SH2D4B: variants seen among roughly 807,000 people sequenced by gnomAD.
The protein encoded by SH2D4B is SH2 domain containing 4B.
SH2D4B carries 45 observed loss-of-function variants against 61.5 expected under a neutral mutation model. That is an observed-to-expected ratio of 0.73 (90% CI 0.58 to 0.94). SH2D4B has a LOEUF of 0.94. SH2D4B is among the 40% of genes least tolerant of loss of function. The pLI is 0.00. For synonymous variants in SH2D4B, 224 were observed against 220.4 expected (o/e 1.02, Z -0.14); for missense variants, 572 against 574.2 (o/e 1.00, Z 0.04).
In SH2D4B at chr10:80,635,953, C is replaced by T. The variant is rs556706392; in HGVS notation, c.1209+1448C>T. Among the ~76,000 whole-genome samples, 26 of 152,286 alleles carry T rather than the reference C, an allele frequency of 1.7e-4. No individual in the cohort carries two copies. The South Asian group carries it at 5.4e-3, about 32-fold the overall frequency. ...CCTAATGCTATCACTCCCCCTTCCC[C>T]CAACCGCACAACAGGCCCCAGTGTC... On this transcript the variant is annotated intron_variant, in intron 7 of 7. Transcript: ENST00000646907.
intron 4 of SH2D4B, among the ~76,000 whole-genome samples, chr10:80,593,673 T>C (rs928693006): frequency 1.3e-5 from 2 of 152,208 alleles, no homozygotes; most frequent in African/African-American, 4.8e-5. Context: ...TCCTTTCCAG[T>C]TTGGATTCCT....
intron 3 of SH2D4B, among the ~76,000 whole-genome samples, chr10:80,581,702 T>C (rs1184234847): frequency 1.3e-5 from 2 of 152,206 alleles, no homozygotes; most frequent in Non-Finnish European, 2.9e-5. Flanking sequence ...AGTTCTGTCA[T>C]TTAAGCCTCC....
At chr10:80,554,983 T>C (rs2132108836) in intron 1 of SH2D4B, among the ~76,000 whole-genome samples, 1 of 114,898 alleles carries the variant, frequency 8.7e-6, no homozygotes, top group South Asian at 2.8e-4. Flanking sequence ...CACTCCAGCC[T>C]GGGCGACAAG....
intron 3 of SH2D4B, among the ~76,000 whole-genome samples, chr10:80,578,775 G>A (rs17107060): frequency 0.056 from 8,586 of 152,212 alleles, 626 homozygotes; most frequent in East Asian, 0.32. Context: ...TGAGTTTTCA[G>A]GCAAGGAGAC....
intron 6 of SH2D4B, among the ~76,000 whole-genome samples, chr10:80,628,472 G>T (rs12246025): frequency 1.3e-5 from 2 of 152,042 alleles, no homozygotes; most frequent in African/African-American, 4.8e-5. Context: ...CTGTAAGTTC[G>T]ATAAACTTTT....
chr10:80,576,275 C>A (rs1842124152), intron 3 of SH2D4B, among the ~76,000 whole-genome samples: 1 of 152,198 alleles, frequency 6.6e-6, no homozygotes, highest in Admixed American at 6.5e-5. Flanking sequence ...CTGAGGGTCT[C>A]AACCACAGGC....
At chr10:80,546,609 T>G (rs1841684544) in intron 1 of SH2D4B, among the ~76,000 whole-genome samples, 1 of 150,470 alleles carries the variant, frequency 6.6e-6, no homozygotes, top group Non-Finnish European at 1.5e-5. Context: ...CACTGCAAGC[T>G]CCACCTCCTG....
intron 6 of SH2D4B, among the ~76,000 whole-genome samples, chr10:80,614,085 T>C (rs979811265): frequency 5.9e-5 from 9 of 152,140 alleles, no homozygotes; most frequent in Non-Finnish European, 1.2e-4. Context: ...GAGTTCTGTC[T>C]TGAGAAAGGG....
intron 1 of SH2D4B, among the ~76,000 whole-genome samples, chr10:80,544,826 C>A (rs141382260): frequency 2.6e-5 from 4 of 152,360 alleles, no homozygotes; most frequent in African/African-American, 9.6e-5. Flanking sequence ...TTTCATGGCA[C>A]TCATGAAAGG....
intron 3 of SH2D4B, among the ~76,000 whole-genome samples, chr10:80,580,153 G>T (rs1395533740): frequency 6.6e-6 from 1 of 152,168 alleles, no homozygotes; most frequent in East Asian, 1.9e-4. Context: ...AAATGATGAG[G>T]TTCATAAATT....
chr10:80,602,439 G>A (rs989065108), intron 4 of SH2D4B, among the ~76,000 whole-genome samples: 5 of 152,158 alleles, frequency 3.3e-5, no homozygotes, highest in Non-Finnish European at 7.3e-5. Context: ...CTCCAGCCTG[G>A]GTGACAGAGT....
At chr10:80,574,888 A>T (rs1842106881) in intron 3 of SH2D4B, among the ~76,000 whole-genome samples, 1 of 151,800 alleles carries the variant, frequency 6.6e-6, no homozygotes, top group African/African-American at 2.4e-5. Context: ...TTTAGTAGAG[A>T]TGGGGTTTCA....
intron 1 of SH2D4B, among the ~76,000 whole-genome samples, chr10:80,543,071 C>T (rs1023973537): frequency 1.3e-5 from 2 of 152,112 alleles, no homozygotes; most frequent in Non-Finnish European, 2.9e-5. Context: ...CTTTATTTCT[C>T]AGCATCAAGT....
At chr10:80,594,541 A>G (rs1268326793) in intron 4 of SH2D4B, among the ~76,000 whole-genome samples, 1 of 152,210 alleles carries the variant, frequency 6.6e-6, no homozygotes, top group Non-Finnish European at 1.5e-5. Context: ...ATTTCTCATG[A>G]TGAATTTGTA....
At chr10:80,639,699 A>G (rs1029339860) in intron 7 of SH2D4B, among the ~76,000 whole-genome samples, 1 of 152,150 alleles carries the variant, frequency 6.6e-6, no homozygotes. Flanking sequence ...GGGTCTCCTG[A>G]ATACAGCACA....
At chr10:80,549,424 T>C (rs1031952811) in intron 1 of SH2D4B, among the ~76,000 whole-genome samples, 1 of 152,322 alleles carries the variant, frequency 6.6e-6, no homozygotes, top group Admixed American at 6.5e-5. Flanking sequence ...AGCCTCCTGT[T>C]CTGCCTCCAT....
intron 1 of SH2D4B, among the ~76,000 whole-genome samples, chr10:80,543,597 G>A (rs993934741): frequency 1.3e-5 from 2 of 152,328 alleles, no homozygotes; most frequent in African/African-American, 2.4e-5. Flanking sequence ...TGAGGAGTGC[G>A]GGCGCACCGC....
chr10:80,626,230 T>C (rs746479794), intron 6 of SH2D4B, among the ~76,000 whole-genome samples: 1 of 152,176 alleles, frequency 6.6e-6, no homozygotes, highest in Non-Finnish European at 1.5e-5. Context: ...TTTCTGAAGA[T>C]TTTTTATTTT....
At chr10:80,551,212 C>A (rs1436454057) in intron 1 of SH2D4B, among the ~76,000 whole-genome samples, 2 of 152,106 alleles carry the variant, frequency 1.3e-5, no homozygotes, top group Non-Finnish European at 2.9e-5. Flanking sequence ...TCCACCATGC[C>A]CGGCTAATAT....
Sources: allele counts gnomAD v4.1 joint callset (sites outside exome capture counted in the v4.1 genomes callset), GRCh38; gene constraint gnomAD v4.1.1; transcripts MANE v1.5; gene names NCBI Gene and HGNC (gene_info 2026-07-23, HGNC 2026-07-21).